Variants in MISP observed in about 807,000 individuals in gnomAD.
MISP encodes the protein mitotic interactor and substrate of PLK1.
In MISP, 51 loss-of-function variants were observed where a neutral mutation model predicts 49.3. The observed-to-expected ratio is 1.03, with a 90% CI of 0.83 to 1.31. MISP has a LOEUF of 1.31. Among genes scored for constraint, MISP ranks in the 50% most tolerant of loss-of-function variants. MISP has a pLI of 0.00. For synonymous variants in MISP, 444 were observed against 392.6 expected (o/e 1.13, Z -1.55); for missense variants, 1,084 against 935.1 (o/e 1.16, Z -2.08).
Position 758,552 on chromosome 19 carries a change from C to G in MISP, c.1606C>G (p.Leu536Val), listed in dbSNP as rs764053172. The G allele has an allele frequency of 1.9e-6, 3 of 1,614,184 alleles. No individual in the cohort carries two copies. Among genetic ancestry groups the G allele is most frequent in the Non-Finnish European group, 2.5e-6 (3 of 1,180,010 alleles). ...WGWEVAGAPA[L>V]RLQKSQSSDL... is the part of the protein sequence containing the mutation. The stretch of plus-strand genomic sequence containing the variant: ...CTGGGAGGTGGCTGGGGCCCCTGCA[C>G]TGAGGCTGCAGAAGTCCCAGTCATC... Residue 536 changes from leucine to valine, a missense_variant, in exon 2 of 5, where the codon CTG (leucine) becomes GTG (valine). Coordinates refer to ENST00000215582, the MANE Select transcript of MISP (RefSeq NM_173481.4).
rs1350868326 is a variant in MISP at position 758,646 on chromosome 19, A to C, written c.1700A>C (p.Asn567Thr). Reference protein sequence around the residue: ...REQEVAEERRNALFPEVFSPT... With the variant: ...REQEVAEERRTALFPEVFSPT... Reference sequence around the variant, plus strand: ...CAAGAGGTGGCAGAGGAGCGGAGAAATGCTCTCTTCCCAGAGGTCTTCTCC... The same window carrying C: ...CAAGAGGTGGCAGAGGAGCGGAGAACTGCTCTCTTCCCAGAGGTCTTCTCC... The change falls in exon 2 of 5, where the codon AAT becomes ACT. Residue 567 changes from asparagine (N) to threonine (T), a missense_variant. By Grantham distance (65) the Asn-to-Thr change is moderately conservative. Transcript: ENST00000215582. 1 of 1,614,206 alleles carries C rather than the reference A, an allele frequency of 6.2e-7. No individual in the cohort carries two copies.
Position 763,560 on chromosome 19 carries a change from C to T in MISP, c.2010C>T (p.Ser670=). ...ACGCCATGGCAGAGCGCTGGGAATC[C>T]CGCATCTACGCCAGTGAGGAGGATG... ...HKNAMAERWE[S]RIYASEEDD is the part of the protein sequence containing the mutation. The change falls in exon 5 of 5, where the codon TCC becomes TCT. Residue 670 remains serine (S), a synonymous_variant. Transcript: ENST00000215582. The T allele has an allele frequency of 6.2e-7, 1 of 1,613,994 alleles. No homozygotes were observed. The highest frequency in any genetic ancestry group is 1.3e-5 in the African/African-American group (1 of 75,040).
intron 1 of MISP, among the ~76,000 whole-genome samples, chr19:754,386 C>T (rs965885145): frequency 1.3e-5 from 2 of 152,184 alleles, no homozygotes; most frequent in Non-Finnish European, 2.9e-5. Flanking sequence ...TGGCGTGAAC[C>T]TGGGAGGCAG....
chr19:762,245 C>T (rs1273287469), intron 4 of MISP, among the ~76,000 whole-genome samples: 3 of 148,144 alleles, frequency 2.0e-5, no homozygotes, highest in Admixed American at 6.8e-5. Context: ...AGCCACCGCG[C>T]CCGGCCAAGG....
In MISP at chr19:756,883, C is replaced by A. The variant is rs968324716; in HGVS notation, c.-57-7C>A. On this transcript the variant is annotated splice_polypyrimidine_tract_variant and splice_region_variant and intron_variant, in intron 1 of 4. Coordinates refer to ENST00000215582, the MANE Select transcript of MISP (RefSeq NM_173481.4). ...TTGATGGCCCTCATTTCCTTCTCCT[C>A]CCTCAGTAAGCCCAGAGGTCTCCAC... 1 of 1,359,828 alleles carries A rather than the reference C, an allele frequency of 7.4e-7. No homozygotes were observed. The allele number at this position is 1,359,828 out of a possible 1,614,324, so 84.2% of individuals were successfully genotyped here. A position where few individuals can be genotyped will look rare whatever the true frequency, so the allele number is the denominator to read the frequency against.
In MISP at chr19:757,942, C is replaced by G; in HGVS notation, c.996C>G (p.Thr332=). The G allele has an allele frequency of 2.5e-6, 4 of 1,597,642 alleles. No homozygotes were observed. The highest frequency in any genetic ancestry group is 1.7e-4 in the Middle Eastern group (1 of 6,010). Residue 332 remains threonine, a synonymous_variant, in exon 2 of 5, where the codon ACC becomes ACG. Coordinates refer to ENST00000215582, the MANE Select transcript of MISP (RefSeq NM_173481.4). ...LVEIPTRPLL[T]KLSLITAPRR... ...AAATCCCCACCAGGCCGCTGCTGACCAAGCTGAGCCTGATCACAGCCCCAC... is the reference window on the plus strand; with the variant it reads ...AAATCCCCACCAGGCCGCTGCTGACGAAGCTGAGCCTGATCACAGCCCCAC...
rs2033558499 is a variant in MISP, at chr19:756,951, A to G, written c.5A>G (p.Asp2Gly). 1 of 1,551,058 alleles carries G rather than the reference A, an allele frequency of 6.4e-7. No individual in the cohort carries two copies. Among genetic ancestry groups the G allele is most frequent in the African/African-American group, 1.4e-5 (1 of 73,590 alleles). Reference protein sequence around the residue: MDRVTRYPILGI... With the variant: MGRVTRYPILGI... ...GAGGCCAAGACCCCGGAAGAGATGG[A>G]CCGCGTGACCAGATACCCCATCCTG... is the stretch of plus-strand genomic sequence containing the variant. Residue 2 changes from aspartate (D) to glycine (G), a missense_variant, in exon 2 of 5, where the codon GAC (aspartate) becomes GGC (glycine). Physicochemically the swap from Asp to Gly is moderately conservative, Grantham distance 94. Transcript: ENST00000215582.
At position 763,544 on chromosome 19, in the gene MISP, C is replaced by T. The variant is rs765192133; in HGVS notation, c.1994C>T (p.Ala665Val). 1.2e-6 allele frequency: 2 copies of T among 1,614,058 alleles called. No homozygotes were observed. Among genetic ancestry groups the T allele is most frequent in the South Asian group, 2.2e-5 (2 of 91,082 alleles). Residue 665 changes from alanine (A) to valine (V), a missense_variant, in exon 5 of 5, where the codon GCA becomes GTA. Physicochemically the swap from Ala to Val is moderately conservative, Grantham distance 64 (BLOSUM62 0). Coordinates refer to ENST00000215582, the MANE Select transcript of MISP (RefSeq NM_173481.4). ...IRVTRHKNAMAERWESRIYAS... is the reference protein window; with the variant it reads ...IRVTRHKNAMVERWESRIYAS... ...GTGACCCGTCACAAGAACGCCATGG[C>T]AGAGCGCTGGGAATCCCGCATCTAC... is the stretch of plus-strand genomic sequence containing the variant.
At chr19:762,613 C>T (rs756451573) in intron 4 of MISP, among the ~76,000 whole-genome samples, 5 of 152,064 alleles carry the variant, frequency 3.3e-5, no homozygotes, top group Admixed American at 6.6e-5. Context: ...CCCCCTCAGT[C>T]GGTTTATGGC....
At chr19:755,425 G>C (rs999715365) in intron 1 of MISP, among the ~76,000 whole-genome samples, 1 of 152,134 alleles carries the variant, frequency 6.6e-6, no homozygotes, top group African/African-American at 2.4e-5. Flanking sequence ...GGGCAGGGTG[G>C]AGAACCAGGA....
Position 757,537 on chromosome 19 carries a change from A to G in MISP, c.591A>G (p.Arg197=), listed in dbSNP as rs1383788770. ...DREQIDFLAA[R]QQFLSLEQAN... ...AGCAGATTGACTTCCTGGCAGCGAGACAGCAGTTCCTGAGTCTGGAGCAGG... is the reference window on the plus strand; with the variant it reads ...AGCAGATTGACTTCCTGGCAGCGAGGCAGCAGTTCCTGAGTCTGGAGCAGG... Residue 197 remains arginine (R), a synonymous_variant, in exon 2 of 5, where the codon AGA becomes AGG. Transcript: ENST00000215582. 4 of 1,611,856 alleles carry G rather than the reference A, an allele frequency of 2.5e-6. No homozygotes were observed. The highest frequency in any genetic ancestry group is 3.4e-6 in the Non-Finnish European group (4 of 1,179,350).
chr19:761,736 C>T (rs912652520), intron 4 of MISP, 73 bp downstream of exon 4: 34 of 1,519,438 alleles, frequency 2.2e-5, no homozygotes, highest in African/African-American at 5.5e-5. Flanking sequence ...CAGGGGCCAA[C>T]GGAAGCCCCT....
rs1442891192 is a variant in MISP at position 756,936 on chromosome 19, C to T, written c.-11C>T. On this transcript the variant is annotated 5_prime_UTR_variant, in exon 2 of 5. Coordinates refer to ENST00000215582, the MANE Select transcript of MISP (RefSeq NM_173481.4). ...CACGGGAGGAAGGCTGAGGCCAAGA[C>T]CCCGGAAGAGATGGACCGCGTGACC... 1 of 1,525,250 alleles carries T rather than the reference C, an allele frequency of 6.6e-7. No individual in the cohort carries two copies. The highest frequency in any genetic ancestry group is 8.8e-7 in the Non-Finnish European group (1 of 1,130,918). The allele number at this position is 1,525,250 out of a possible 1,614,324, so 94.5% of individuals were successfully genotyped here.
rs145697605 is a variant in MISP, at chr19:757,819, G to A, written c.873G>A (p.Thr291=). Residue 291 remains threonine (T), a synonymous_variant, in exon 2 of 5, where the codon ACG becomes ACA. Transcript: ENST00000215582. ...AGTCCCCGGGGACCCCCAAGGAGAC[G>A]CCCATCGAGCGGGAGATCCGTCTGG... The part of the protein sequence containing the change: ...SVESPGTPKE[T]PIEREIRLAQ... 239 of 1,611,040 alleles carry A rather than the reference G, an allele frequency of 1.5e-4. No individual in the cohort carries two copies. The highest frequency in any genetic ancestry group is 4.9e-4 in the Middle Eastern group (3 of 6,064).
At chr19:754,348 C>CA (rs2033510387) in intron 1 of MISP, among the ~76,000 whole-genome samples, 1 of 152,224 alleles carries the variant, frequency 6.6e-6, no homozygotes, top group African/African-American at 2.4e-5. Flanking sequence ...CCCGTAGTCC[C>CA]AGCTCTAGGG....
At position 757,083 on chromosome 19, in the gene MISP, A is replaced by G; in HGVS notation, c.137A>G (p.Asp46Gly). 6.2e-7 allele frequency: 1 copy of G among 1,612,806 alleles called. No individual in the cohort carries two copies. Among genetic ancestry groups the G allele is most frequent in the Non-Finnish European group, 8.5e-7 (1 of 1,179,716 alleles). Residue 46 changes from aspartate (D) to glycine (G), a missense_variant, in exon 2 of 5, where the codon GAT becomes GGT. Physicochemically the swap from Asp to Gly is moderately conservative, Grantham distance 94 (BLOSUM62 -1). Coordinates refer to ENST00000215582, the MANE Select transcript of MISP (RefSeq NM_173481.4). ...CCCGAGGCCAGCGGCTGGGGCCAGGATGAGCCGCAGACATGGCCCACTGAC... is the reference window on the plus strand; with the variant it reads ...CCCGAGGCCAGCGGCTGGGGCCAGGGTGAGCCGCAGACATGGCCCACTGAC... ...MGPEASGWGQDEPQTWPTDHR... is the reference protein window; with the variant it reads ...MGPEASGWGQGEPQTWPTDHR...
Position 757,581 on chromosome 19 carries a change from A to C in MISP, c.635A>C (p.His212Pro). 1 of 1,612,800 alleles carries C rather than the reference A, an allele frequency of 6.2e-7. No homozygotes were observed. The highest frequency in any genetic ancestry group is 8.5e-7 in the Non-Finnish European group (1 of 1,179,688). Residue 212 changes from histidine (H) to proline (P), a missense_variant, in exon 2 of 5, where the codon CAT becomes CCT. Transcript: ENST00000215582. ...SLEQANKGAP[H>P]SSPARGTPAG... ...GAGCAGGCGAACAAGGGGGCCCCTCATAGCTCCCCGGCCAGGGGGACCCCT... is the reference window on the plus strand; with the variant it reads ...GAGCAGGCGAACAAGGGGGCCCCTCCTAGCTCCCCGGCCAGGGGGACCCCT...
chr19:753,261 C>T (rs911711810), intron 1 of MISP, among the ~76,000 whole-genome samples: 12 of 152,304 alleles, frequency 7.9e-5, no homozygotes, highest in South Asian at 2.1e-4. Context: ...ATTTGATACG[C>T]GCGGAAGATT....
At chr19:752,255 G>C (rs1301637321) in intron 1 of MISP, among the ~76,000 whole-genome samples, 1 of 152,170 alleles carries the variant, frequency 6.6e-6, no homozygotes, top group Non-Finnish European at 1.5e-5. Flanking sequence ...CTTCCGTCCT[G>C]GGGCTCTTCC....
Sources: gnomAD v4.1 joint callset for allele counts (sites outside exome capture counted in the v4.1 genomes callset) on GRCh38, gnomAD v4.1.1 for gene constraint, MANE v1.5 for transcripts, NCBI Gene and HGNC (gene_info 2026-07-23, HGNC 2026-07-21) for gene names.